TMEM187: variants seen among roughly 807,000 people sequenced by gnomAD.
TMEM187 encodes transmembrane protein 187, also known as chromosome X open reading frame 12.
In TMEM187, 14 loss-of-function variants were observed where a neutral mutation model predicts 11.8. That is an observed-to-expected ratio of 1.18 (90% CI 0.78 to 1.85). The LOEUF (loss-of-function observed/expected upper bound fraction) is 1.85, where lower values mean the gene tolerates loss of function less well. Ranked by LOEUF, TMEM187 falls within the 40% of genes most tolerant of loss-of-function variation. The pLI is 0.00. For missense variants in TMEM187, 227 were observed against 243.9 expected, an observed-to-expected ratio of 0.93 and a Z score of 0.46; for synonymous variants, 112 against 118.5, an observed-to-expected ratio of 0.95 and a Z score of 0.36.
chrX:153,982,608 C>G lies in TMEM187; in HGVS notation c.546C>G (p.His182Gln), dbSNP rs1557122785. The change falls in exon 2 of 2, where the codon CAC (histidine) becomes CAG (glutamine). Residue 182 changes from histidine (H) to glutamine (Q), a missense_variant. By Grantham distance (24) the His-to-Gln change is conservative. Transcript: ENST00000369982. Reference protein sequence around the residue: ...VAAVGQALRTHRHYGSTTSAT... With the variant: ...VAAVGQALRTQRHYGSTTSAT... ...CTGTGGGGCAGGCGCTGCGCACCCA[C>G]AGGCACTATGGCAGCACCACCTCGG... 2.5e-6 allele frequency: 3 copies of G among 1,212,019 alleles called. No individual in the cohort carries two copies. The highest frequency in any genetic ancestry group is 2.2e-6 in the Non-Finnish European group (2 of 895,643).
intron 1 of TMEM187, among the ~76,000 whole-genome samples, chrX:153,980,186 C>A (rs1295081724): frequency 2.7e-4 from 4 of 14,679 alleles, no homozygotes; most frequent in Non-Finnish European, 4.5e-4. Context: ...AGCAAGACTC[C>A]GTCTCAAAAA....
Position 153,982,476 on chromosome X carries a change from G to T in TMEM187, c.414G>T (p.Arg138=). 7 of 1,203,490 alleles carry T rather than the reference G, an allele frequency of 5.8e-6. No individual in the cohort carries two copies. The highest frequency in any genetic ancestry group is 7.8e-6 in the Non-Finnish European group (7 of 894,377). ...GCCTCTACCTAGACCGCGGCTGGCG[G>T]CCCTGGCTGTTCCTCTCTCTTGAGT... ...AWCLYLDRGW[R]PWLFLSLECV... The change falls in exon 2 of 2, where the codon CGG becomes CGT. Residue 138 remains arginine, a synonymous_variant. Coordinates refer to ENST00000369982, the MANE Select transcript of TMEM187 (RefSeq NM_003492.3).
chrX:153,977,984 G>A (rs1237557535), intron 1 of TMEM187, among the ~76,000 whole-genome samples: 2 of 109,348 alleles, frequency 1.8e-5, no homozygotes, highest in Middle Eastern at 4.3e-3. Flanking sequence ...TTGGGAGGCC[G>A]AAGCAGGTAG....
In TMEM187 at chrX:153,983,073, T is replaced by C; in HGVS notation, c.*225T>C. The C allele has an allele frequency of 1.6e-6, 1 of 615,951 alleles. No homozygotes were observed. Among genetic ancestry groups the C allele is most frequent in the Non-Finnish European group, 2.5e-6 (1 of 397,403 alleles). 50.8% of individuals were successfully genotyped at this position (615,951 alleles called of 1,213,427 possible). A position where few individuals can be genotyped will look rare whatever the true frequency, so the allele number is the denominator to read the frequency against. ...AAAGCACAGATCTCCGCACAGGGGA[T>C]GTGTGTGTTCCTGATGTAATTTGCA... is the stretch of plus-strand genomic sequence containing the variant. On this transcript the variant is annotated 3_prime_UTR_variant, in exon 2 of 2. Coordinates refer to ENST00000369982, the MANE Select transcript of TMEM187 (RefSeq NM_003492.3).
chrX:153,976,708 T>C (rs1280918386), intron 1 of TMEM187, among the ~76,000 whole-genome samples: 3 of 111,578 alleles, frequency 2.7e-5, no homozygotes, highest in Admixed American at 9.5e-5. Context: ...AAAAAAAATT[T>C]AAAAATTTGC....
chrX:153,982,804 A>C lies in TMEM187; in HGVS notation c.742A>C (p.Asn248His), dbSNP rs2065611102. The C allele has an allele frequency of 4.1e-6, 5 of 1,211,877 alleles. No individual in the cohort carries two copies. The highest frequency in any genetic ancestry group is 4.5e-6 in the Non-Finnish European group (4 of 895,567). The change falls in exon 2 of 2, where the codon AAC becomes CAC. Residue 248 changes from asparagine to histidine, a missense_variant. By Grantham distance (68) the Asn-to-His change is moderately conservative. Coordinates refer to ENST00000369982, the MANE Select transcript of TMEM187 (RefSeq NM_003492.3). ...TGCGTTTTTGTTTCTGACGCATTTC[A>C]ACACTCACCCAAGATTCCATCCCTC... ...HFAFLFLTHFNTHPRFHPSGG... is the reference protein window; with the variant it reads ...HFAFLFLTHFHTHPRFHPSGG...
At chrX:153,977,543 C>T (rs1455040891) in intron 1 of TMEM187, among the ~76,000 whole-genome samples, 1 of 109,419 alleles carries the variant, frequency 9.1e-6, no homozygotes, top group South Asian at 4.0e-4. Context: ...ACCCGGGAGG[C>T]GGAGGTTGCA....
At chrX:153,973,957 AC>A (rs2148626214) in intron 1 of TMEM187, among the ~76,000 whole-genome samples, 1 of 111,452 alleles carries the variant, frequency 9.0e-6, no homozygotes, top group South Asian at 3.8e-4. Context: ...AAGACCCCAG[AC>A]CCAGGGGCCA....
chrX:153,980,908 G>C (rs2148628270), intron 1 of TMEM187, among the ~76,000 whole-genome samples: 1 of 102,048 alleles, frequency 9.8e-6, no homozygotes, highest in South Asian at 4.7e-4. Flanking sequence ...AACAGAGTGA[G>C]ACTCCGTCTC....
intron 1 of TMEM187, among the ~76,000 whole-genome samples, chrX:153,974,717 T>C (rs150874596): frequency 0.014 from 1,597 of 111,956 alleles, 30 homozygotes; most frequent in African/African-American, 0.049. Context: ...TGCCCCATGC[T>C]GAGATGGCAG....
rs2065608391 is a variant in TMEM187, at chrX:153,982,469, G to A, written c.407G>A (p.Gly136Asp). Residue 136 changes from glycine to aspartate, a missense_variant, in exon 2 of 2, where the codon GGC (glycine) becomes GAC (aspartate). Transcript: ENST00000369982. ...PVAWCLYLDR[G>D]WRPWLFLSLE... ...GCCTGGTGCCTCTACCTAGACCGCG[G>A]CTGGCGGCCCTGGCTGTTCCTCTCT... is the stretch of plus-strand genomic sequence containing the variant. 1 of 1,203,274 alleles carries A rather than the reference G, an allele frequency of 8.3e-7. No homozygotes were observed.
In TMEM187 at chrX:153,982,649, TG is replaced by T; in HGVS notation, c.592del (p.Val198CysfsTer47). 3 of 1,212,338 alleles carry T rather than the reference TG, an allele frequency of 2.5e-6. No individual in the cohort carries two copies. In the South Asian group the frequency reaches 5.3e-5, roughly 21 times the overall value. On this transcript the variant is annotated frameshift_variant, in exon 2 of 2. Transcript: ENST00000369982. LOFTEE classifies it high-confidence loss of function. ...GSTTSATYLA[L>X]GVLSCLGFVV... Reference sequence around the variant, plus strand: ...ACCACCTCGGCTACCTACTTAGCTTTGGGGGTGCTCTCTTGCCTGGGCTTTG... The same window carrying T: ...ACCACCTCGGCTACCTACTTAGCTTTGGGGTGCTCTCTTGCCTGGGCTTTG...
At chrX:153,980,661 T>C (rs901493057) in intron 1 of TMEM187, 3 of 111,186 alleles carry the variant, frequency 2.7e-5, no homozygotes, top group Non-Finnish European at 5.7e-5. Context: ...CTCATACCTG[T>C]GAATCCCAGC....
At chrX:153,981,174 A>G (rs1190862290) in intron 1 of TMEM187, 1 of 111,334 alleles carries the variant, frequency 9.0e-6, no homozygotes, top group Non-Finnish European at 1.9e-5. Context: ...CTTCCATATT[A>G]ATGTATTTCT....
At chrX:153,974,729 C>A (rs1394519670) in intron 1 of TMEM187, among the ~76,000 whole-genome samples, 1 of 111,985 alleles carries the variant, frequency 8.9e-6, no homozygotes, top group Non-Finnish European at 1.9e-5. Flanking sequence ...AGATGGCAGG[C>A]TTGTGTGAAG....
intron 1 of TMEM187, among the ~76,000 whole-genome samples, chrX:153,973,075 G>A (rs1459912819): frequency 8.9e-6 from 1 of 112,302 alleles, no homozygotes; most frequent in African/African-American, 3.2e-5. Flanking sequence ...TGTGGCTTTT[G>A]TTGTAAACGT....
intron 1 of TMEM187, chrX:153,980,762 T>C (rs1275856558): frequency 3.7e-5 from 4 of 108,291 alleles, no homozygotes; most frequent in Non-Finnish European, 7.7e-5. Context: ...CTACTAAAAA[T>C]AGAAAAGTTA....
At chrX:153,978,595 G>A (rs1299245963) in intron 1 of TMEM187, among the ~76,000 whole-genome samples, 1 of 18,129 alleles carries the variant, frequency 5.5e-5, no homozygotes, top group Admixed American at 7.0e-4. Context: ...TTTTTTTTTT[G>A]GGGGGGAGAG....
intron 1 of TMEM187, among the ~76,000 whole-genome samples, chrX:153,973,737 C>G (rs1389124338): frequency 2.7e-5 from 3 of 112,462 alleles, no homozygotes; most frequent in African/African-American, 9.7e-5. Flanking sequence ...TTCCAAGGGC[C>G]TTGCCTGGAA....
Sources: allele counts gnomAD v4.1 joint callset (sites outside exome capture counted in the v4.1 genomes callset), GRCh38; gene constraint gnomAD v4.1.1; transcripts MANE v1.5; gene names NCBI Gene and HGNC (gene_info 2026-07-23, HGNC 2026-07-21).